JAK2: variants seen among roughly 807,000 people sequenced by gnomAD.
The protein encoded by JAK2 is tyrosine-protein kinase JAK2.
A neutral mutation model predicts 139.3 loss-of-function variants in JAK2; 86 were observed. The observed-to-expected ratio is 0.62, with a 90% CI of 0.52 to 0.74. JAK2 has a LOEUF of 0.74. JAK2 is among the 30% of genes least tolerant of loss of function. JAK2 has a pLI of 0.00. For missense variants in JAK2, 1,421 were observed against 1,360.3 expected (o/e 1.04, Z -0.70); for synonymous variants, 490 against 437.7 (o/e 1.12, Z -1.49).
intron 2 of JAK2, among the ~76,000 whole-genome samples, chr9:5,002,828 ATCT>A (rs1409450805): frequency 6.6e-6 from 1 of 151,958 alleles, no homozygotes; most frequent in African/African-American, 2.4e-5. Flanking sequence ...TAATTTATAA[ATCT>A]TCTATGATTA....
chr9:5,095,289 G>C (rs941250501), intron 22 of JAK2, among the ~76,000 whole-genome samples: 1 of 151,918 alleles, frequency 6.6e-6, no homozygotes, highest in Non-Finnish European at 1.5e-5. Context: ...TCATCACAAT[G>C]CTACGCTCAC....
intron 13 of JAK2, 98 bp from the exon 14 acceptor site, chr9:5,073,597 AAGT>A: frequency 1.2e-6 from 1 of 856,110 alleles, no homozygotes; most frequent in Non-Finnish European, 1.9e-6. Flanking sequence ...GTCATGCTGA[AAGT>A]AGGAGAAAGT....
Position 5,081,146 on chromosome 9 carries a change from C to T in JAK2, c.2434+463C>T, listed in dbSNP as rs1036615051. Among the ~76,000 whole-genome samples, 28 of 151,988 alleles carry T rather than the reference C, an allele frequency of 1.8e-4. No homozygotes were observed. The Middle Eastern group carries it at 0.017, about 92-fold the overall frequency. On this transcript the variant is annotated intron_variant, in intron 18 of 24. Coordinates refer to ENST00000381652, the MANE Select transcript of JAK2 (RefSeq NM_004972.4). ...TCCTGATCTTGTGATCCGCCCGCCT[C>T]GGCCTCCCAAAGTGCTGGGATTACA... is the stretch of plus-strand genomic sequence containing the variant.
chr9:5,050,255 A>G (rs773154764), intron 5 of JAK2, among the ~76,000 whole-genome samples: 6 of 152,226 alleles, frequency 3.9e-5, no homozygotes, highest in Non-Finnish European at 5.9e-5. Context: ...ATTGTATCGC[A>G]AAATGAATGA....
chr9:5,064,691 T>C (rs1362618983), intron 8 of JAK2, among the ~76,000 whole-genome samples, 192 bp from the exon 9 acceptor site: 1 of 152,128 alleles, frequency 6.6e-6, no homozygotes, highest in East Asian at 1.9e-4. Flanking sequence ...TGGGAAGGTA[T>C]GATAATCTGT....
chr9:5,007,046 T>G (rs1179719024), intron 2 of JAK2, among the ~76,000 whole-genome samples: 9 of 152,158 alleles, frequency 5.9e-5, no homozygotes, highest in Admixed American at 4.6e-4. Flanking sequence ...CTTTCTAGTG[T>G]TTTATCAATT....
intron 19 of JAK2, among the ~76,000 whole-genome samples, chr9:5,087,547 C>G (rs1289422108): frequency 6.6e-6 from 1 of 152,098 alleles, no homozygotes; most frequent in Non-Finnish European, 1.5e-5. Flanking sequence ...TTTCTTTTCG[C>G]TGTATTTTTC....
intron 5 of JAK2, among the ~76,000 whole-genome samples, chr9:5,045,515 A>C (rs2130336248): frequency 6.6e-6 from 1 of 152,328 alleles, no homozygotes; most frequent in South Asian, 2.1e-4. Context: ...ATCCATCTCC[A>C]GAACATTTTT....
At chr9:5,084,995 T>G (rs1160090007) in intron 19 of JAK2, 1 of 844,810 alleles carries the variant, frequency 1.2e-6, no homozygotes, top group Admixed American at 1.8e-5. Flanking sequence ...GAAAGAGTTG[T>G]CATTTATGTC....
chr9:5,080,463 T>C lies in JAK2; in HGVS notation c.2284-70T>C. The C allele has an allele frequency of 2.6e-6, 4 of 1,538,114 alleles. No homozygotes were observed. In the South Asian group the frequency reaches 3.7e-5, roughly 14 times the overall value. ...CACATGATTTGTATTTTTTAGCCCA[T>C]CTAATTTTAAAAAGAAGGTTGGTGT... On this transcript the variant is annotated intron_variant, in intron 17 of 24. Coordinates refer to ENST00000381652, the MANE Select transcript of JAK2 (RefSeq NM_004972.4).
chr9:5,115,804 G>C (rs912661419), intron 22 of JAK2, among the ~76,000 whole-genome samples: 1 of 152,010 alleles, frequency 6.6e-6, no homozygotes, highest in Non-Finnish European at 1.5e-5. Flanking sequence ...AGCAAACACA[G>C]GAACAGAAAA....
Position 5,064,890 on chromosome 9 carries a change from A to C in JAK2, c.1064A>C (p.Glu355Ala), listed in dbSNP as rs753586590. The stretch of plus-strand genomic sequence containing the variant: ...TTTCTTTTCTCTGCTTAGGAAATTG[A>C]ACTTAGCTCATTAAGGGAAGCTTTG... ...HKQDGKNLEI[E>A]LSSLREALSF... Residue 355 changes from glutamate to alanine, a missense_variant, in exon 9 of 25, where the codon GAA (glutamate) becomes GCA (alanine). Coordinates refer to ENST00000381652, the MANE Select transcript of JAK2 (RefSeq NM_004972.4). 1.0e-5 allele frequency: 16 copies of C among 1,580,616 alleles called. No homozygotes were observed. Among genetic ancestry groups the C allele is most frequent in the East Asian group, 6.9e-5 (3 of 43,584 alleles).
At chr9:4,997,186 C>T (rs1365341776) in intron 2 of JAK2, among the ~76,000 whole-genome samples, 6 of 152,064 alleles carry the variant, frequency 3.9e-5, no homozygotes, top group Non-Finnish European at 1.5e-5. Context: ...TCTGCATCAG[C>T]CTCCCAAAGT....
intron 2 of JAK2, among the ~76,000 whole-genome samples, chr9:4,987,888 T>C (rs1820050106): frequency 1.3e-5 from 2 of 152,194 alleles, no homozygotes; most frequent in Non-Finnish European, 2.9e-5. Context: ...CTATCACGGC[T>C]GGGAGGCAAA....
chr9:5,100,265 A>G (rs1449814052), intron 22 of JAK2: 1 of 152,248 alleles, frequency 6.6e-6, no homozygotes. Context: ...CTTGCCATAT[A>G]GTCAAACCCA....
At chr9:5,004,128 T>C (rs925275083) in intron 2 of JAK2, among the ~76,000 whole-genome samples, 1 of 152,194 alleles carries the variant, frequency 6.6e-6, no homozygotes, top group African/African-American at 2.4e-5. Flanking sequence ...CACATACTTA[T>C]CTTTTGTGGT....
chr9:5,031,981 G>T (rs757487150), intron 4 of JAK2, among the ~76,000 whole-genome samples: 1 of 152,260 alleles, frequency 6.6e-6, no homozygotes, highest in African/African-American at 2.4e-5. Flanking sequence ...CCCGGGAAGC[G>T]CAAAGGGTCA....
intron 16 of JAK2, among the ~76,000 whole-genome samples, chr9:5,079,664 G>T (rs1819546597): frequency 6.6e-6 from 1 of 152,064 alleles, no homozygotes; most frequent in South Asian, 2.1e-4. Context: ...ATTTGGCCAG[G>T]TGCAGTGGCT....
intron 5 of JAK2, 141 bp from the exon 6 acceptor site, chr9:5,050,545 A>G: frequency 1.3e-6 from 1 of 765,426 alleles, no homozygotes; most frequent in East Asian, 2.8e-5. Flanking sequence ...TTCTGGGATT[A>G]CAGGCATGAG....
Sources: gnomAD v4.1 joint callset for allele counts (sites outside exome capture counted in the v4.1 genomes callset) on GRCh38, gnomAD v4.1.1 for gene constraint, MANE v1.5 for transcripts, NCBI Gene and HGNC (gene_info 2026-07-23, HGNC 2026-07-21) for gene names.